The following SPIN1 variants were observed in gnomAD, a reference collection of about 807,000 sequenced individuals.
SPIN1 encodes the protein spindlin 1.
In SPIN1, 3 loss-of-function variants were observed where a neutral mutation model predicts 26.0. The observed-to-expected ratio is 0.12, with a 90% CI of 0.05 to 0.30. The LOEUF (loss-of-function observed/expected upper bound fraction) is 0.30. SPIN1 is among the 10% of genes least tolerant of loss of function. The pLI is 1.00. For synonymous variants in SPIN1, 101 were observed against 116.5 expected (o/e 0.87, Z 0.86); for missense variants, 126 against 333.4 (o/e 0.38, Z 4.84).
At chr9:88,397,685 G>A (rs769198317) in intron 1 of SPIN1, among the ~76,000 whole-genome samples, 55 of 151,332 alleles carry the variant, frequency 3.6e-4, no homozygotes, top group African/African-American at 1.3e-3. Context: ...GCAGTGGTGC[G>A]GTCTCAGCTC....
intron 5 of SPIN1, among the ~76,000 whole-genome samples, chr9:88,469,785 G>A (rs1231085987): frequency 6.6e-6 from 1 of 152,166 alleles, no homozygotes; most frequent in African/African-American, 2.4e-5. Context: ...CACCAGCCTT[G>A]GCCTCCCACA....
intron 4 of SPIN1, among the ~76,000 whole-genome samples, chr9:88,463,986 G>T (rs72757707): frequency 0.092 from 13,967 of 152,208 alleles, 867 homozygotes; most frequent in South Asian, 0.19. Flanking sequence ...TCACTTGAAG[G>T]TTCCTGCATA....
At position 88,475,035 on chromosome 9, in the gene SPIN1, T is replaced by TTC. The variant is rs749902187; in HGVS notation, c.590-31_590-30dup. ...ATATCTAAAAATTGACTTAGAAATT[T>TTC]TCTCTCTCTCTCTTTTTTTTTTTTT... is the stretch of plus-strand genomic sequence containing the variant. On this transcript the variant is annotated intron_variant, in intron 5 of 5. Transcript: ENST00000375859. The TTC allele has an allele frequency of 5.3e-4, 711 of 1,341,712 alleles. 2 individuals are homozygous for TTC. Among genetic ancestry groups the TTC allele is most frequent in the South Asian group, 3.2e-3 (189 of 59,600 alleles). 83.1% of individuals were successfully genotyped at this position (1,341,712 alleles called of 1,614,324 possible).
At position 88,429,631 on chromosome 9, in the gene SPIN1, G is replaced by A. The variant is rs144327378; in HGVS notation, c.52+3040G>A. 5.0e-4 allele frequency among the ~76,000 whole-genome samples: 76 copies of A among 152,290 alleles called. 1 individual carries two copies. The highest frequency in any genetic ancestry group is 1.8e-3 in the African/African-American group (74 of 41,562). ...GCATTGGTGCATCTACCCCCCTCCA[G>A]GAACCTTCAGATAGTGTTGCGCTAT... On this transcript the variant is annotated intron_variant, in intron 2 of 5. Coordinates refer to ENST00000375859, the MANE Select transcript of SPIN1 (RefSeq NM_006717.3).
intron 1 of SPIN1, among the ~76,000 whole-genome samples, chr9:88,400,492 C>T (rs938075189): frequency 2.0e-5 from 3 of 152,086 alleles, no homozygotes; most frequent in Non-Finnish European, 4.4e-5. Flanking sequence ...CCTGATGCCT[C>T]GGTTAGATTT....
Position 88,452,822 on chromosome 9 carries a change from G to T in SPIN1, c.101+3833G>T, listed in dbSNP as rs1587808407. ...CATCTTGCAAAAAGACAGTTATTTT[G>T]ATTTAACCAGTCTTTTCTTCTAAAA... On this transcript the variant is annotated intron_variant, in intron 3 of 5. Coordinates refer to ENST00000375859, the MANE Select transcript of SPIN1 (RefSeq NM_006717.3). Among the ~76,000 whole-genome samples, 3 of 152,232 alleles carry T rather than the reference G, an allele frequency of 2.0e-5. No homozygotes were observed. In the South Asian group the frequency reaches 6.2e-4, roughly 32 times the overall value.
intron 1 of SPIN1, among the ~76,000 whole-genome samples, chr9:88,425,572 G>A (rs927719330): frequency 3.9e-5 from 6 of 151,908 alleles, no homozygotes; most frequent in Non-Finnish European, 8.8e-5. Context: ...CAGCTACTCC[G>A]GAGGCTGAGG....
chr9:88,397,037 TGTGAGTGAGTG>T lies in SPIN1; in HGVS notation c.-159+8508_-159+8518del, dbSNP rs539410943. On this transcript the variant is annotated intron_variant, in intron 1 of 5. Transcript: ENST00000375859. ...ACTGGAAGTTGCTCTGGGTTGAGTC[TGTGAGTGAGTG>T]GTGAGTGAATGTGAAGGCCTAGAAC... Among the ~76,000 whole-genome samples, 359 of 152,210 alleles carry T rather than the reference TGTGAGTGAGTG, an allele frequency of 2.4e-3. 2 individuals are homozygous for T. Among genetic ancestry groups the T allele is most frequent in the African/African-American group, 8.0e-3 (331 of 41,556 alleles).
At chr9:88,438,729 A>G (rs1828057817) in intron 2 of SPIN1, among the ~76,000 whole-genome samples, 2 of 152,222 alleles carry the variant, frequency 1.3e-5, no homozygotes, top group Non-Finnish European at 2.9e-5. Context: ...CCAAAAACCT[A>G]ATATCCAAAA....
intron 1 of SPIN1, among the ~76,000 whole-genome samples, chr9:88,396,041 C>A (rs140034366): frequency 0.054 from 8,145 of 151,378 alleles, 698 homozygotes; most frequent in African/African-American, 0.18. Flanking sequence ...AGGGAGACTC[C>A]GTCTCAAAAA....
In SPIN1 at chr9:88,473,222, G is replaced by A. The variant is rs148529914; in HGVS notation, c.590-1856G>A. 7.5e-3 allele frequency among the ~76,000 whole-genome samples: 1,137 copies of A among 152,096 alleles called. 16 individuals are homozygous for A. The highest frequency in any genetic ancestry group is 0.026 in the African/African-American group (1,059 of 41,500). On this transcript the variant is annotated intron_variant, in intron 5 of 5. Coordinates refer to ENST00000375859, the MANE Select transcript of SPIN1 (RefSeq NM_006717.3). ...AGCCTGGTCAATATGGTGAAACCCC[G>A]TCTCTACTAAAAATAAAAAAATTAG... is the stretch of plus-strand genomic sequence containing the variant.
chr9:88,456,070 A>G (rs910023565), intron 3 of SPIN1, among the ~76,000 whole-genome samples: 3 of 152,170 alleles, frequency 2.0e-5, no homozygotes, highest in East Asian at 1.9e-4. Context: ...CGTGTTAGCA[A>G]TATCTTTGTG....
intron 2 of SPIN1, among the ~76,000 whole-genome samples, chr9:88,441,044 G>T (rs1476577392): frequency 6.6e-6 from 1 of 151,738 alleles, no homozygotes; most frequent in Non-Finnish European, 1.5e-5. Flanking sequence ...GTATCCGTGG[G>T]TTTTACATCT....
chr9:88,405,629 C>T (rs1048146939), intron 1 of SPIN1, among the ~76,000 whole-genome samples: 7 of 148,672 alleles, frequency 4.7e-5, no homozygotes, highest in African/African-American at 1.3e-4. Flanking sequence ...CTGCAGCCTC[C>T]GCCTCCCGGG....
At chr9:88,443,733 A>G (rs934587785) in intron 2 of SPIN1, among the ~76,000 whole-genome samples, 5 of 152,170 alleles carry the variant, frequency 3.3e-5, no homozygotes, top group Admixed American at 6.5e-5. Flanking sequence ...CTGTAGTCCT[A>G]TGATTGCCCG....
At chr9:88,451,755 T>G (rs187869675) in intron 3 of SPIN1, among the ~76,000 whole-genome samples, 165 of 152,262 alleles carry the variant, frequency 1.1e-3, no homozygotes, top group Admixed American at 2.3e-3. Context: ...TAGACAGGGT[T>G]TCACTGTGTT....
Position 88,396,981 on chromosome 9 carries a change from A to G in SPIN1, c.-159+8443A>G, listed in dbSNP as rs1298035403. Among the ~76,000 whole-genome samples the G allele has an allele frequency of 2.0e-5, 3 of 152,076 alleles. No individual in the cohort carries two copies. In the Admixed American group the frequency reaches 2.0e-4, roughly 10 times the overall value. ...TAAAAGAGAAATGGCATGCCTGTGT[A>G]GGGCACTGAACCATGAATGGAGCTG... On this transcript the variant is annotated intron_variant, in intron 1 of 5. Transcript: ENST00000375859.
At chr9:88,437,708 AG>A (rs1322619440) in intron 2 of SPIN1, among the ~76,000 whole-genome samples, 7 of 152,112 alleles carry the variant, frequency 4.6e-5, no homozygotes, top group Non-Finnish European at 7.4e-5. Flanking sequence ...ACAAGCAACT[AG>A]CTTTTGGTTT....
chr9:88,415,858 C>T (rs1827550314), intron 1 of SPIN1, among the ~76,000 whole-genome samples: 1 of 152,056 alleles, frequency 6.6e-6, no homozygotes, highest in African/African-American at 2.4e-5. Flanking sequence ...AGTCTCCTGC[C>T]TCAGCCTCCT....
Sources: gnomAD v4.1 joint callset for allele counts (sites outside exome capture counted in the v4.1 genomes callset) on GRCh38, gnomAD v4.1.1 for gene constraint, MANE v1.5 for transcripts, NCBI Gene and HGNC (gene_info 2026-07-23, HGNC 2026-07-21) for gene names.